The following MGAM variants were observed in gnomAD, a reference collection of about 807,000 sequenced individuals.
MGAM encodes maltase-glucoamylase, also known as alpha-1,4-glucosidase.
MGAM carries 253 observed loss-of-function variants against 358.8 expected under a neutral mutation model. That is an observed-to-expected ratio of 0.71 (90% CI 0.64 to 0.78). The LOEUF is 0.78. MGAM is among the 30% of genes least tolerant of loss of function. The pLI, the probability that MGAM is intolerant of heterozygous loss-of-function variation, is 0.00. For missense variants in MGAM, 3,080 were observed against 3,432.6 expected, an observed-to-expected ratio of 0.90 and a Z score of 2.57; for synonymous variants, 1,105 against 1,227.1, an observed-to-expected ratio of 0.90 and a Z score of 2.08.
At chr7:142,043,766 TATACATTATATACACATAC>T (rs1809466377) in intron 21 of MGAM, among the ~76,000 whole-genome samples, 13 of 81,456 alleles carry the variant, frequency 1.6e-4, no homozygotes, top group South Asian at 3.8e-4. Context: ...ACATATAATA[TATACATTATATACACATAC>T]GACATATAAT....
chr7:142,089,770 C>T (rs563387118), intron 57 of MGAM, among the ~76,000 whole-genome samples: 1 of 145,480 alleles, frequency 6.9e-6, no homozygotes, highest in South Asian at 2.2e-4. Flanking sequence ...CTGGGTGACA[C>T]AGCGAGACTC....
intron 67 of MGAM, 66 bp downstream of exon 67, chr7:142,099,803 C>T: frequency 1.3e-6 from 2 of 1,579,740 alleles, no homozygotes; most frequent in East Asian, 2.3e-5. Flanking sequence ...ATGAAGTCCA[C>T]CAAAATGTAA....
intron 46 of MGAM, 42 bp from the exon 47 acceptor site, chr7:142,076,617 C>G (rs1438514060): frequency 1.4e-6 from 2 of 1,420,124 alleles, no homozygotes; most frequent in Middle Eastern, 1.8e-4. Context: ...CTGTGTATTA[C>G]AGGCATACCT....
chr7:142,087,273 T>C (rs1814844005), intron 57 of MGAM, among the ~76,000 whole-genome samples: 1 of 145,900 alleles, frequency 6.9e-6, no homozygotes. Context: ...TTTCCAGCCT[T>C]ACTGTAAAAC....
chr7:142,038,531 G>A lies in MGAM; in HGVS notation c.2232G>A (p.Glu744=). 1.2e-6 allele frequency: 2 copies of A among 1,606,362 alleles called. No individual in the cohort carries two copies. Among genetic ancestry groups the A allele is most frequent in the South Asian group, 2.2e-5 (2 of 89,546 alleles). Reference sequence around the variant, plus strand: ...AGTGAACTGTCTCTCTGGTTTTCAGGTTCTACGAGGACAACAGCACTTGGG... The same window carrying A: ...AGTGAACTGTCTCTCTGGTTTTCAGATTCTACGAGGACAACAGCACTTGGG... ...GDTVARPLLH[E]FYEDNSTWDV... The change falls in exon 19 of 71, where the codon GAG becomes GAA. Residue 744 remains glutamate, a splice_region_variant and synonymous_variant. Coordinates refer to ENST00000475668, the MANE Select transcript of MGAM (RefSeq NM_001365693.1).
intron 34 of MGAM, among the ~76,000 whole-genome samples, chr7:142,061,096 A>G (rs945972097): frequency 6.6e-6 from 1 of 152,172 alleles, no homozygotes; most frequent in Non-Finnish European, 1.5e-5. Flanking sequence ...GGCAGAAGCC[A>G]CAAGGCAAGA....
At chr7:142,058,467 A>C (rs1473669608) in intron 31 of MGAM, 139 bp downstream of exon 31, 2 of 1,445,230 alleles carry the variant, frequency 1.4e-6, no homozygotes, top group East Asian at 2.3e-5. Context: ...GCCTCACCCC[A>C]GCACAGTAAT....
rs1326708725 is a variant in MGAM at position 142,093,577 on chromosome 7, T to C, written c.7172+27T>C. 2.0e-6 allele frequency: 3 copies of C among 1,489,838 alleles called. 1 individual carries two copies. The highest frequency in any genetic ancestry group is 9.1e-7 in the Non-Finnish European group (1 of 1,097,126). The allele number at this position is 1,489,838 out of a possible 1,614,324, so 92.3% of individuals were successfully genotyped here. ...TGAGTCTCTGTCTCCCTTCTCCAGC[T>C]GTCACAACCTGTAGGGATTGCCAGT... On this transcript the variant is annotated intron_variant, in intron 60 of 70. Transcript: ENST00000475668.
rs73740268 is a variant in MGAM, at chr7:142,072,547, A to T, written c.5186+1429A>T. ...TCAATAGTAGTTGCATACTCTGTGC[A>T]TGAAAATTGTAGTATCTGAAGTGTT... On this transcript the variant is annotated intron_variant, in intron 44 of 70. Transcript: ENST00000475668. Among the ~76,000 whole-genome samples, 888 of 146,210 alleles carry T rather than the reference A, an allele frequency of 6.1e-3. 36 individuals are homozygous for T. Among genetic ancestry groups the T allele is most frequent in the African/African-American group, 0.02 (823 of 41,116 alleles).
In MGAM at chr7:142,047,724, C is replaced by A. The variant is rs1278458780; in HGVS notation, c.2499-61C>A. 4 of 1,458,266 alleles carry A rather than the reference C, an allele frequency of 2.7e-6. No individual in the cohort carries two copies. In the African/African-American group the frequency reaches 5.6e-5, roughly 20 times the overall value. 90.3% of individuals were successfully genotyped at this position (1,458,266 alleles called of 1,614,324 possible). On this transcript the variant is annotated intron_variant, in intron 21 of 70. Coordinates refer to ENST00000475668, the MANE Select transcript of MGAM (RefSeq NM_001365693.1). ...ATTTGAAATTTGATGGAAATATTCT[C>A]AGCTCGGCTGGCAAAATTCTCTGAC...
intron 68 of MGAM, 113 bp downstream of exon 68, chr7:142,101,003 T>C: frequency 2.2e-6 from 2 of 924,776 alleles, no homozygotes; most frequent in Non-Finnish European, 3.2e-6. Context: ...TTTTAAAATA[T>C]AATCATTTGT....
At chr7:142,015,141 C>T (rs1805876445) in intron 3 of MGAM, among the ~76,000 whole-genome samples, 1 of 152,004 alleles carries the variant, frequency 6.6e-6, no homozygotes, top group Non-Finnish European at 1.5e-5. Context: ...GCTAATTTTT[C>T]TGAATACTAA....
chr7:142,071,013 G>A lies in MGAM; in HGVS notation c.5081G>A (p.Arg1694Lys), dbSNP rs762786105. 2 of 1,556,166 alleles carry A rather than the reference G, an allele frequency of 1.3e-6. No homozygotes were observed. The highest frequency in any genetic ancestry group is 2.7e-5 in the African/African-American group (2 of 74,506). ...CCCCAGGGTGTGGATATTAATGCAAGAGGAGAGTGGAAGACCTTGCCAGCC... is the reference window on the plus strand; with the variant it reads ...CCCCAGGGTGTGGATATTAATGCAAAAGGAGAGTGGAAGACCTTGCCAGCC... ...DYYTGVDINA[R>K]GEWKTLPAPL... is the part of the protein sequence containing the mutation. Residue 1694 changes from arginine to lysine, a missense_variant, in exon 44 of 71, where the codon AGA becomes AAA. Arg to Lys is a conservative substitution (Grantham distance 26). Coordinates refer to ENST00000475668, the MANE Select transcript of MGAM (RefSeq NM_001365693.1).
At chr7:142,061,610 C>T (rs375389031) in intron 34 of MGAM, among the ~76,000 whole-genome samples, 1 of 152,168 alleles carries the variant, frequency 6.6e-6, no homozygotes, top group East Asian at 1.9e-4. Flanking sequence ...AGACCAAGTC[C>T]TGTTTTTGTT....
At chr7:142,041,999 T>TG (rs1182124695) in intron 21 of MGAM, among the ~76,000 whole-genome samples, 2 of 11,990 alleles carry the variant, frequency 1.7e-4, no homozygotes, top group Non-Finnish European at 2.7e-4. Flanking sequence ...TATATATATA[T>TG]TATATATATA....
intron 60 of MGAM, 133 bp from the exon 61 acceptor site, chr7:142,094,231 C>T (rs1331928236): frequency 1.8e-6 from 2 of 1,119,146 alleles, no homozygotes; most frequent in Non-Finnish European, 2.5e-6. Context: ...GCCCCCATTA[C>T]AGCTCAGAGT....
rs1192973250 is a variant in MGAM, at chr7:142,076,062, A to G, written c.5276-141A>G. 2.9e-6 allele frequency: 2 copies of G among 691,078 alleles called. 1 individual carries two copies. The highest frequency in any genetic ancestry group is 5.0e-6 in the Non-Finnish European group (2 of 396,454). The allele number at this position is 691,078 out of a possible 1,614,324, so 42.8% of individuals were successfully genotyped here. ...TAAGTATACATTGATGAATGAATACAATGGAATATTATTCATCCATAAGGT... is the reference window on the plus strand; with the variant it reads ...TAAGTATACATTGATGAATGAATACGATGGAATATTATTCATCCATAAGGT... On this transcript the variant is annotated intron_variant, in intron 45 of 70. Coordinates refer to ENST00000475668, the MANE Select transcript of MGAM (RefSeq NM_001365693.1).
intron 59 of MGAM, among the ~76,000 whole-genome samples, chr7:142,092,962 G>A (rs1210536561): frequency 6.8e-6 from 1 of 146,338 alleles, no homozygotes; most frequent in African/African-American, 2.4e-5. Context: ...CCTTTATTGT[G>A]GAGCTGATGG....
chr7:142,023,477 A>T (rs1806654995), intron 7 of MGAM, among the ~76,000 whole-genome samples: 1 of 152,152 alleles, frequency 6.6e-6, no homozygotes, highest in Admixed American at 6.6e-5. Flanking sequence ...GTTTGTGTAT[A>T]TATATCTATT....
Sources: gnomAD v4.1 joint callset for allele counts (sites outside exome capture counted in the v4.1 genomes callset) on GRCh38, gnomAD v4.1.1 for gene constraint, MANE v1.5 for transcripts, NCBI Gene and HGNC (gene_info 2026-07-23, HGNC 2026-07-21) for gene names.